The following DYSF variants were observed in gnomAD, a reference collection of about 807,000 sequenced individuals.
DYSF encodes the protein dysferlin, also known as dystrophy-associated fer-1-like 1.
DYSF carries 212 observed loss-of-function variants against 274.9 expected under a neutral mutation model. The observed-to-expected ratio is 0.77, with a 90% confidence interval of 0.69 to 0.86. DYSF has a LOEUF of 0.86. DYSF is among the 40% of genes least tolerant of loss of function. The pLI is 0.00. For synonymous variants in DYSF, 1,091 were observed against 1,078.7 expected (o/e 1.01, Z -0.22); for missense variants, 2,666 against 2,783.2 (o/e 0.96, Z 0.95).
At chr2:71,492,028 C>T (rs2152698112) in intron 3 of DYSF, among the ~76,000 whole-genome samples, 1 of 152,308 alleles carries the variant, frequency 6.6e-6, no homozygotes, top group Non-Finnish European at 1.5e-5. Context: ...ATTATTTACC[C>T]TTCACTGCCT....
At chr2:71,656,492 T>C (rs2094773734) in intron 43 of DYSF, among the ~76,000 whole-genome samples, 1 of 152,096 alleles carries the variant, frequency 6.6e-6, no homozygotes, top group African/African-American at 2.4e-5. Context: ...GTGATCTCAG[T>C]GGTGGTGACT....
At chr2:71,664,487 C>A in intron 46 of DYSF, 49 bp downstream of exon 46, 1 of 1,605,612 alleles carries the variant, frequency 6.2e-7, no homozygotes, top group Non-Finnish European at 8.5e-7. Context: ...CACACCACCC[C>A]TGTCTTCTCT....
chr2:71,645,226 G>A (rs548178097), intron 42 of DYSF, among the ~76,000 whole-genome samples: 4 of 152,288 alleles, frequency 2.6e-5, no homozygotes, highest in Admixed American at 6.5e-5. Context: ...GAATTGGATC[G>A]CACGTGGGCT....
intron 25 of DYSF, 42 bp downstream of exon 25, chr2:71,568,124 G>C (rs1220282860): frequency 6.2e-6 from 10 of 1,614,188 alleles, no homozygotes; most frequent in Non-Finnish European, 8.5e-6. Flanking sequence ...CCACTACCTG[G>C]AGCTGCCTTG....
chr2:71,587,684 A>G (rs1282018183), intron 30 of DYSF, among the ~76,000 whole-genome samples: 1 of 152,224 alleles, frequency 6.6e-6, no homozygotes, highest in African/African-American at 2.4e-5. Flanking sequence ...GATTCAGAGA[A>G]GTTAAGCCAC....
intron 3 of DYSF, among the ~76,000 whole-genome samples, chr2:71,491,968 G>A (rs2083892853): frequency 6.6e-6 from 1 of 152,182 alleles, no homozygotes; most frequent in South Asian, 2.1e-4. Context: ...TTAGCAAGCT[G>A]GTTTGCCAGC....
intron 42 of DYSF, among the ~76,000 whole-genome samples, chr2:71,649,529 A>C (rs1365279290): frequency 6.6e-6 from 1 of 152,182 alleles, no homozygotes; most frequent in Non-Finnish European, 1.5e-5. Context: ...GACCCCATAA[A>C]TACTATGCCT....
chr2:71,664,780 G>A (rs2094964495), intron 46 of DYSF, among the ~76,000 whole-genome samples: 2 of 152,208 alleles, frequency 1.3e-5, no homozygotes, highest in South Asian at 4.1e-4. Context: ...AAGAAGCAGG[G>A]GAAACAGATG....
At position 71,620,534 on chromosome 2, in the gene DYSF, G is replaced by GT; in HGVS notation, c.4465-10dup. The stretch of plus-strand genomic sequence containing the variant: ...CTCTAATCCTGTTGCTAACCAGCAT[G>GT]TTTCATTTGTAGCTTGCAGACGGTC... On this transcript the variant is annotated splice_polypyrimidine_tract_variant and intron_variant, in intron 40 of 55. Transcript: ENST00000410020. 6.4e-7 allele frequency: 1 copy of GT among 1,551,716 alleles called. No homozygotes were observed. The highest frequency in any genetic ancestry group is 8.7e-7 in the Non-Finnish European group (1 of 1,146,992).
intron 36 of DYSF, among the ~76,000 whole-genome samples, chr2:71,610,190 GAAGTA>G (rs2093724101): frequency 1.3e-5 from 2 of 152,178 alleles, no homozygotes; most frequent in South Asian, 2.1e-4. Flanking sequence ...TTCTGACATG[GAAGTA>G]AAGAGTCTTA....
Position 71,668,799 on chromosome 2 carries a change from C to G in DYSF, c.5503C>G (p.Arg1835Gly). 2 of 1,613,926 alleles carry G rather than the reference C, an allele frequency of 1.2e-6. No homozygotes were observed. The highest frequency in any genetic ancestry group is 1.7e-6 in the Non-Finnish European group (2 of 1,179,988). Residue 1835 changes from arginine (R) to glycine (G), a missense_variant, in exon 49 of 56, where the codon CGG (arginine) becomes GGG (glycine). By Grantham distance (125) the Arg-to-Gly change is moderately radical. Coordinates refer to ENST00000410020, the MANE Select transcript of DYSF (RefSeq NM_001130987.2). ...CGACCTATTTCCGAAGGCCCTGGGGCGGCCTGGACCTCCCTTCAACATCAC... is the reference window on the plus strand; with the variant it reads ...CGACCTATTTCCGAAGGCCCTGGGGGGGCCTGGACCTCCCTTCAACATCAC... ...WVDLFPKALG[R>G]PGPPFNITPR...
chr2:71,675,827 T>C (rs1168033692), intron 52 of DYSF, among the ~76,000 whole-genome samples: 1 of 152,094 alleles, frequency 6.6e-6, no homozygotes, highest in Non-Finnish European at 1.5e-5. Flanking sequence ...CAAACATAAG[T>C]ATTTTATATA....
rs2303607 is a variant in DYSF at position 71,611,527 on chromosome 2, C to T, written c.4122C>T (p.Ser1374=). The part of the protein sequence containing the change: ...SYQLANISSP[S]LVVECGGQTV... The stretch of plus-strand genomic sequence containing the variant: ...AGCTGGCCAACATCTCCTCCCCCAG[C>T]CTCGTGGTAGAGTGTGGGGGCCAGA... Residue 1374 remains serine (S), a synonymous_variant, in exon 38 of 56, where the codon AGC becomes AGT. Coordinates refer to ENST00000410020, the MANE Select transcript of DYSF (RefSeq NM_001130987.2). The T allele has an allele frequency of 0.027, 43,180 of 1,614,170 alleles. 776 individuals carry two copies. The highest frequency in any genetic ancestry group is 0.052 in the Admixed American group (3,146 of 60,030).
intron 3 of DYSF, among the ~76,000 whole-genome samples, chr2:71,491,619 T>A (rs1472506204): frequency 6.6e-6 from 1 of 152,228 alleles, no homozygotes; most frequent in Non-Finnish European, 1.5e-5. Context: ...TGTGCCCATG[T>A]GTTCTCATCA....
At chr2:71,601,415 C>T in intron 34 of DYSF, 84 bp from the exon 35 acceptor site, 1 of 1,551,516 alleles carries the variant, frequency 6.4e-7, no homozygotes, top group South Asian at 1.1e-5. Flanking sequence ...TGTCTGATCA[C>T]TGACATAGTC....
chr2:71,480,495 A>G (rs1239010994), intron 1 of DYSF, among the ~76,000 whole-genome samples: 1 of 152,180 alleles, frequency 6.6e-6, no homozygotes, highest in Admixed American at 6.5e-5. Context: ...TTGAGGCTGC[A>G]GTGAGCTATG....
intron 30 of DYSF, among the ~76,000 whole-genome samples, chr2:71,588,451 G>A (rs777182505): frequency 2.3e-4 from 35 of 152,114 alleles, no homozygotes; most frequent in African/African-American, 7.5e-4. Context: ...GTGGTGTCTT[G>A]TGTTGGAGGC....
At chr2:71,537,296 G>C (rs1008639607) in intron 16 of DYSF, among the ~76,000 whole-genome samples, 2 of 142,394 alleles carry the variant, frequency 1.4e-5, no homozygotes, top group African/African-American at 5.4e-5. Context: ...ACCCAGGCTG[G>C]AGTCCAATGG....
rs1187492720 is a variant in DYSF, at chr2:71,679,071, G to T, written c.5899G>T (p.Asp1967Tyr). ...CTCTGTTGCAGGCTCCCTGCAGCTC[G>T]ATCTCAACCGCATGCCCAAGCCAGC... ...FDDFLGSLQLDLNRMPKPAKT... is the reference protein window; with the variant it reads ...FDDFLGSLQLYLNRMPKPAKT... Residue 1967 changes from aspartate (D) to tyrosine (Y), a missense_variant, in exon 53 of 56, where the codon GAT (aspartate) becomes TAT (tyrosine). Asp to Tyr is a radical substitution (Grantham distance 160). Around this residue, in one of 3 missense-constraint regions of DYSF, gnomAD observed 1,460 missense variants for 1,502.1 expected, o/e 0.97. Transcript: ENST00000410020. 6.2e-7 allele frequency: 1 copy of T among 1,613,944 alleles called. No individual in the cohort carries two copies. Among genetic ancestry groups the T allele is most frequent in the Non-Finnish European group, 8.5e-7 (1 of 1,179,888 alleles).
Sources: allele counts gnomAD v4.1 joint callset (sites outside exome capture counted in the v4.1 genomes callset), GRCh38; gene constraint gnomAD v4.1.1; regional missense constraint gnomAD v4.1.1; transcripts MANE v1.5; gene names NCBI Gene and HGNC (gene_info 2026-07-23, HGNC 2026-07-21).